ZNF423: variants seen among roughly 807,000 people sequenced by gnomAD.
The protein encoded by ZNF423 is Ebf-associated zinc finger protein.
A neutral mutation model predicts 95.8 loss-of-function variants in ZNF423; 12 were observed. That is an observed-to-expected ratio of 0.13 (90% CI 0.08 to 0.20). The LOEUF (loss-of-function observed/expected upper bound fraction) is 0.20, where lower values mean the gene tolerates loss of function less well. Ranked by LOEUF, ZNF423 falls within the 10% of genes least tolerant of loss-of-function variation. ZNF423 has a pLI of 1.00. For missense variants in ZNF423, 1,316 were observed against 1,737.1 expected (o/e 0.76, Z 4.31); for synonymous variants, 749 against 711.9 (o/e 1.05, Z -0.83).
chr16:49,630,395 TTGAA>T (rs1972456786), intron 4 of ZNF423, among the ~76,000 whole-genome samples: 1 of 151,992 alleles, frequency 6.6e-6, no homozygotes, highest in Non-Finnish European at 1.5e-5. Context: ...CCTTTGGTGG[TTGAA>T]TGAATGAACG....
At chr16:49,651,317 C>T (rs756956849) in intron 3 of ZNF423, among the ~76,000 whole-genome samples, 2 of 152,004 alleles carry the variant, frequency 1.3e-5, no homozygotes, top group East Asian at 1.9e-4. Context: ...TAAGCCACCA[C>T]GCCTGGCCCA....
chr16:49,496,173 T>A (rs577712011), intron 7 of ZNF423, among the ~76,000 whole-genome samples: 1 of 152,220 alleles, frequency 6.6e-6, no homozygotes. Flanking sequence ...TGGGTTTGAA[T>A]CTTGGCTCTG....
chr16:49,565,142 C>T (rs563067491), intron 5 of ZNF423, among the ~76,000 whole-genome samples: 2 of 152,286 alleles, frequency 1.3e-5, no homozygotes, highest in East Asian at 3.9e-4. Context: ...AGCACGGCGC[C>T]GCAGCTGCTG....
chr16:49,622,037 G>A (rs564872801), intron 5 of ZNF423, among the ~76,000 whole-genome samples: 19 of 152,270 alleles, frequency 1.2e-4, no homozygotes, highest in Admixed American at 2.0e-4. Flanking sequence ...GCTCCCTAGC[G>A]CTTAAGTCCA....
At chr16:49,503,484 G>A (rs556735400) in intron 7 of ZNF423, among the ~76,000 whole-genome samples, 3 of 151,954 alleles carry the variant, frequency 2.0e-5, no homozygotes, top group African/African-American at 4.8e-5. Flanking sequence ...ACCGCAGCCC[G>A]GAAGCCCCTC....
chr16:49,594,336 C>T (rs2151821382), intron 5 of ZNF423, among the ~76,000 whole-genome samples: 1 of 152,258 alleles, frequency 6.6e-6, no homozygotes, highest in East Asian at 1.9e-4. Context: ...AAAGAGATGG[C>T]CACACCCTTG....
Position 49,789,548 on chromosome 16 carries a change from T to C in ZNF423, c.41-2A>G. ...AGTCTGAGGCCTCCCCCTCTTCAACTGAAAGAGAGAACAGAGATGGGCCTG... is the reference window on the plus strand; with the variant it reads ...AGTCTGAGGCCTCCCCCTCTTCAACCGAAAGAGAGAACAGAGATGGGCCTG... On this transcript the variant is annotated splice_acceptor_variant, in intron 1 of 7. Coordinates refer to ENST00000563137, the MANE Select transcript of ZNF423 (RefSeq NM_001379286.1). LOFTEE classifies it high-confidence loss of function. 6.2e-7 allele frequency: 1 copy of C among 1,611,286 alleles called. No individual in the cohort carries two copies. The highest frequency in any genetic ancestry group is 8.5e-7 in the Non-Finnish European group (1 of 1,179,254).
At chr16:49,845,828 G>A (rs1003812536) in intron 1 of ZNF423, among the ~76,000 whole-genome samples, 1 of 151,984 alleles carries the variant, frequency 6.6e-6, no homozygotes, top group Non-Finnish European at 1.5e-5. Context: ...ACAGGCATAA[G>A]CCACCACTGC....
intron 3 of ZNF423, among the ~76,000 whole-genome samples, chr16:49,702,824 G>A (rs1403479550): frequency 1.2e-4 from 18 of 152,068 alleles, no homozygotes; most frequent in Admixed American, 1.2e-3. Flanking sequence ...ACGCTTCCAA[G>A]CTCTCATCTC....
chr16:49,842,276 G>A (rs868633853), intron 1 of ZNF423, among the ~76,000 whole-genome samples: 1 of 35,040 alleles, frequency 2.9e-5, no homozygotes, highest in Non-Finnish European at 6.2e-5. Flanking sequence ...AGGGAGGGGA[G>A]GGGAGGGGAG....
Position 49,638,722 on chromosome 16 carries a change from C to G in ZNF423, c.454G>C (p.Asp152His), listed in dbSNP as rs1173822448. ...TAGCTCAAGCGGATGAAGGACTTGT[C>G]GCAGAACTGGCAAGGGTATGGCAGG... ...TGLPYPCQFC[D>H]KSFIRLSYLK... Residue 152 changes from aspartate to histidine, a missense_variant, in exon 4 of 8, where the codon GAC (aspartate) becomes CAC (histidine). Asp to His is a moderately conservative substitution (Grantham distance 81). Around this residue, in one of 6 missense-constraint regions of ZNF423, gnomAD observed 58 missense variants for 116.9 expected, o/e 0.50. Transcript: ENST00000563137. The surrounding 1 kb of genome is among the most constrained non-coding windows in gnomAD (Gnocchi z 5.6). 1.9e-6 allele frequency: 3 copies of G among 1,614,020 alleles called. No homozygotes were observed. In the African/African-American group the frequency reaches 4.0e-5, roughly 22 times the overall value.
intron 7 of ZNF423, among the ~76,000 whole-genome samples, chr16:49,497,177 G>A (rs1967195282): frequency 6.6e-6 from 1 of 152,000 alleles, no homozygotes; most frequent in African/African-American, 2.4e-5. Flanking sequence ...TGGAATAGGT[G>A]TGCACTCATC....
chr16:49,558,762 C>A (rs1203943800), intron 5 of ZNF423, among the ~76,000 whole-genome samples: 1 of 152,246 alleles, frequency 6.6e-6, no homozygotes, highest in Non-Finnish European at 1.5e-5. Context: ...GTGTATTTGA[C>A]AACCTTTCAA....
intron 3 of ZNF423, among the ~76,000 whole-genome samples, chr16:49,700,195 C>CAAAAAAAAAAAAA (rs3084468): frequency 1.0e-5 from 1 of 96,584 alleles, no homozygotes; most frequent in African/African-American, 4.1e-5. Flanking sequence ...CCCAGGATTT[C>CAAAAAAAAAAAAA]AAAAAAAAAA....
chr16:49,699,596 G>A (rs917836724), intron 3 of ZNF423, among the ~76,000 whole-genome samples: 13 of 152,256 alleles, frequency 8.5e-5, no homozygotes, highest in Non-Finnish European at 1.6e-4. Flanking sequence ...AAGAATCTAA[G>A]TTTGTCATGT....
intron 3 of ZNF423, among the ~76,000 whole-genome samples, chr16:49,660,368 G>T (rs965232416): frequency 9.3e-5 from 14 of 151,218 alleles, no homozygotes; most frequent in Admixed American, 8.6e-4. Context: ...AATGAATTCA[G>T]AATGAGAAAA....
At chr16:49,789,567 G>A in intron 1 of ZNF423, 21 bp from the exon 2 acceptor site, 2 of 1,608,376 alleles carry the variant, frequency 1.2e-6, no homozygotes, top group Non-Finnish European at 1.7e-6. Context: ...GAACAGAGAT[G>A]GGCCTGTGAG....
chr16:49,718,705 G>A (rs553360499), intron 3 of ZNF423, among the ~76,000 whole-genome samples: 5 of 152,120 alleles, frequency 3.3e-5, no homozygotes, highest in African/African-American at 7.2e-5. Context: ...TGGTGAGGGC[G>A]CATTTCTCAT....
chr16:49,750,780 CAG>C (rs1299744707), intron 2 of ZNF423, among the ~76,000 whole-genome samples: 1 of 152,192 alleles, frequency 6.6e-6, no homozygotes, highest in Non-Finnish European at 1.5e-5. Flanking sequence ...ATTGACGTGA[CAG>C]GGGCTGGAAG....
Sources: gnomAD v4.1 joint callset for allele counts (sites outside exome capture counted in the v4.1 genomes callset) on GRCh38, gnomAD v4.1.1 for gene constraint, gnomAD v4.1.1 regional missense constraint, Gnocchi (gnomAD v3.1) non-coding constraint, MANE v1.5 for transcripts, NCBI Gene and HGNC (gene_info 2026-07-23, HGNC 2026-07-21) for gene names.